The following NELL1 variants were observed in gnomAD, a reference collection of about 807,000 sequenced individuals.
NELL1 encodes the protein neural EGFL like 1, also known as protein kinase C-binding protein NELL1.
A neutral mutation model predicts 107.4 loss-of-function variants in NELL1; 76 were observed. The observed-to-expected ratio is 0.71, with a 90% CI of 0.59 to 0.86. The LOEUF (loss-of-function observed/expected upper bound fraction) is 0.86. NELL1 is among the 40% of genes least tolerant of loss of function. NELL1 has a pLI of 0.00. For synonymous variants in NELL1, 353 were observed against 341.2 expected, an observed-to-expected ratio of 1.03 and a Z score of -0.38; for missense variants, 1,024 against 1,005.5, an observed-to-expected ratio of 1.02 and a Z score of -0.25.
chr11:20,731,644 G>T (rs1244961582), intron 2 of NELL1, among the ~76,000 whole-genome samples: 1 of 152,154 alleles, frequency 6.6e-6, no homozygotes, highest in Non-Finnish European at 1.5e-5. Context: ...TTGAATTCCA[G>T]ACTTACAATT....
chr11:21,390,758 T>C, intron 15 of NELL1, among the ~76,000 whole-genome samples: 1 of 151,864 alleles, frequency 6.6e-6, no homozygotes, highest in East Asian at 1.9e-4. Context: ...CAATGTTGGG[T>C]CAACCTCAGA....
At chr11:20,759,838 C>G (rs1049794216) in intron 2 of NELL1, among the ~76,000 whole-genome samples, 6 of 152,198 alleles carry the variant, frequency 3.9e-5, no homozygotes, top group Admixed American at 1.3e-4. Flanking sequence ...CAGAGTGTTC[C>G]TGGGTCCAGA....
rs766250780 is a variant in NELL1 at position 20,783,814 on chromosome 11, C to G, written c.319C>G (p.Arg107Gly). Residue 107 changes from arginine to glycine, a missense_variant, in exon 3 of 20, where the codon CGA becomes GGA. Coordinates refer to ENST00000357134, the MANE Select transcript of NELL1 (RefSeq NM_006157.5). ...CACTTCAGGAGTGATACTGTCCATT[C>G]GAGAACTGGAGCACAGGTAAGAAAG... Reference protein sequence around the residue: ...PSTSGVILSIRELEHSYFELE... With the variant: ...PSTSGVILSIGELEHSYFELE... 1.9e-6 allele frequency: 3 copies of G among 1,612,094 alleles called. 1 individual carries two copies. In the South Asian group the frequency reaches 3.3e-5, roughly 18 times the overall value.
chr11:21,336,981 T>C (rs1273155796), intron 14 of NELL1, among the ~76,000 whole-genome samples: 2 of 152,024 alleles, frequency 1.3e-5, no homozygotes, highest in East Asian at 3.9e-4. Context: ...AATATTATGC[T>C]CAGTTAAACA....
chr11:20,836,978 A>C (rs139002025), intron 3 of NELL1, among the ~76,000 whole-genome samples: 1 of 152,166 alleles, frequency 6.6e-6, no homozygotes, highest in Non-Finnish European at 1.5e-5. Context: ...TAGGAAGTTA[A>C]GAGATCCCAG....
intron 13 of NELL1, among the ~76,000 whole-genome samples, chr11:21,159,066 T>A (rs975394212): frequency 6.6e-6 from 1 of 152,268 alleles, no homozygotes; most frequent in African/African-American, 2.4e-5. Flanking sequence ...GAGACCAAGA[T>A]CCTAACTCAA....
intron 11 of NELL1, among the ~76,000 whole-genome samples, chr11:20,950,423 T>G (rs1851047225): frequency 6.6e-6 from 1 of 152,222 alleles, no homozygotes; most frequent in African/African-American, 2.4e-5. Context: ...ATCTCTTAAT[T>G]CCGTCTTTAA....
chr11:20,750,908 G>T (rs1856118548), intron 2 of NELL1, among the ~76,000 whole-genome samples: 2 of 152,108 alleles, frequency 1.3e-5, no homozygotes, highest in African/African-American at 4.8e-5. Context: ...TTTTGTGTGT[G>T]ATATAAAATA....
intron 2 of NELL1, among the ~76,000 whole-genome samples, chr11:20,723,552 T>A (rs527501022): frequency 7.2e-4 from 109 of 152,278 alleles, no homozygotes; most frequent in South Asian, 6.0e-3. Context: ...CTTGGGCAGC[T>A]GCACCCGTGA....
intron 12 of NELL1, among the ~76,000 whole-genome samples, chr11:21,021,479 A>C (rs1228279990): frequency 6.6e-6 from 1 of 152,076 alleles, no homozygotes; most frequent in African/African-American, 2.4e-5. Flanking sequence ...TAAAACATTA[A>C]ACTTATTTTC....
intron 12 of NELL1, among the ~76,000 whole-genome samples, chr11:21,073,397 A>G (rs1214306267): frequency 1.3e-5 from 2 of 152,184 alleles, no homozygotes; most frequent in Non-Finnish European, 1.5e-5. Flanking sequence ...TGGTCTGACA[A>G]TTTTGGGAAT....
chr11:21,175,788 C>G (rs997558044), intron 13 of NELL1, among the ~76,000 whole-genome samples: 2 of 151,780 alleles, frequency 1.3e-5, no homozygotes, highest in South Asian at 2.1e-4. Flanking sequence ...AATTTTGGAG[C>G]CTAATTTTAA....
intron 7 of NELL1, among the ~76,000 whole-genome samples, chr11:20,920,595 T>G (rs1252776591): frequency 6.6e-6 from 1 of 152,070 alleles, no homozygotes; most frequent in Non-Finnish European, 1.5e-5. Flanking sequence ...GGCTTTTATT[T>G]CATATTGTCT....
At chr11:20,812,795 T>C (rs1415962573) in intron 3 of NELL1, among the ~76,000 whole-genome samples, 1 of 150,628 alleles carries the variant, frequency 6.6e-6, no homozygotes, top group East Asian at 2.0e-4. Context: ...GATCACGAGG[T>C]CAGGAGATCG....
At chr11:21,081,440 C>A (rs908166337) in intron 12 of NELL1, among the ~76,000 whole-genome samples, 2 of 152,200 alleles carry the variant, frequency 1.3e-5, no homozygotes, top group Admixed American at 1.3e-4. Context: ...CAGCCCATAT[C>A]TTTTCTTTGA....
chr11:21,385,652 GC>G (rs1279163190), intron 15 of NELL1, among the ~76,000 whole-genome samples: 1 of 151,906 alleles, frequency 6.6e-6, no homozygotes, highest in African/African-American at 2.4e-5. Context: ...TTCCGGCATT[GC>G]AGCCGGTATA....
chr11:20,898,641 A>G (rs1476598637), intron 5 of NELL1, among the ~76,000 whole-genome samples: 1 of 149,904 alleles, frequency 6.7e-6, no homozygotes, highest in East Asian at 2.0e-4. Flanking sequence ...AATTATGACC[A>G]TTCTTGCAGG....
At chr11:21,370,824 A>G (rs200814904) in intron 14 of NELL1, 29 bp from the exon 15 acceptor site, 2 of 1,565,622 alleles carry the variant, frequency 1.3e-6, no homozygotes, top group Non-Finnish European at 1.8e-6. Context: ...CATTTTATCT[A>G]AGATAAATAC....
intron 13 of NELL1, among the ~76,000 whole-genome samples, chr11:21,120,914 G>T (rs571614081): frequency 1.3e-5 from 2 of 151,952 alleles, no homozygotes; most frequent in Non-Finnish European, 1.5e-5. Context: ...AATTGGCTCT[G>T]TAACCCTCCT....
Sources: gnomAD v4.1 joint callset for allele counts (sites outside exome capture counted in the v4.1 genomes callset) on GRCh38, gnomAD v4.1.1 for gene constraint, MANE v1.5 for transcripts, NCBI Gene and HGNC (gene_info 2026-07-23, HGNC 2026-07-21) for gene names.